Variants in BTBD7 observed in about 807,000 individuals in gnomAD.
BTBD7 encodes the protein BTB domain containing 7, also known as BTB/POZ domain-containing protein 7.
Under a neutral mutation model 99.9 loss-of-function variants are expected in BTBD7, and 38 were observed. The observed-to-expected ratio is 0.38, with a 90% confidence interval of 0.29 to 0.50. The LOEUF (loss-of-function observed/expected upper bound fraction) is 0.50, where lower values mean the gene tolerates loss of function less well. BTBD7 is among the 20% of genes least tolerant of loss of function. The probability of loss-of-function intolerance (pLI) is 0.93; values close to 1 mark genes in which losing one functional copy is unlikely to be tolerated. For synonymous variants in BTBD7, 520 were observed against 511.4 expected, an observed-to-expected ratio of 1.02 and a Z score of -0.23; for missense variants, 1,170 against 1,394.6, an observed-to-expected ratio of 0.84 and a Z score of 2.57.
intron 1 of BTBD7, among the ~76,000 whole-genome samples, chr14:93,330,906 T>C (rs886850556): frequency 6.6e-6 from 1 of 152,208 alleles, no homozygotes; most frequent in Non-Finnish European, 1.5e-5. Context: ...CAGAGTCTGA[T>C]AGAAAAACCT....
rs564362574 is a variant in BTBD7 at position 93,294,032 on chromosome 14, G to A, written c.988C>T (p.His330Tyr). The A allele has an allele frequency of 9.9e-6, 16 of 1,613,984 alleles. No homozygotes were observed. Among genetic ancestry groups the A allele is most frequent in the Non-Finnish European group, 1.4e-5 (16 of 1,179,900 alleles). The part of the protein sequence containing the change: ...IPKKYATVIL[H>Y]CMYTDVVDLS... ...TCCACCACGTCGGTATACATACAGT[G>A]TAATATCACTGTTGCATATTTTTTT... The change falls in exon 3 of 11, where the codon CAC becomes TAC. Residue 330 changes from histidine (H) to tyrosine (Y), a missense_variant. Transcript: ENST00000334746.
At chr14:93,257,872 T>G (rs1277918030) in intron 5 of BTBD7, among the ~76,000 whole-genome samples, 2 of 152,218 alleles carry the variant, frequency 1.3e-5, no homozygotes, top group Non-Finnish European at 2.9e-5. Flanking sequence ...AAGATTTTTA[T>G]GAAAATCTCC....
At chr14:93,274,821 A>C (rs2052637841) in intron 3 of BTBD7, among the ~76,000 whole-genome samples, 3 of 152,214 alleles carry the variant, frequency 2.0e-5, no homozygotes, top group African/African-American at 7.2e-5. Context: ...AAGTAATGTT[A>C]TTTTTAATTG....
At chr14:93,283,724 G>C (rs796195906) in intron 3 of BTBD7, among the ~76,000 whole-genome samples, 1 of 152,032 alleles carries the variant, frequency 6.6e-6, no homozygotes, top group Non-Finnish European at 1.5e-5. Context: ...GCTGATTTTT[G>C]TATTTTTAGT....
chr14:93,281,506 G>C (rs1423847965), intron 3 of BTBD7, among the ~76,000 whole-genome samples: 1 of 152,122 alleles, frequency 6.6e-6, no homozygotes, highest in Non-Finnish European at 1.5e-5. Context: ...AACACTTTTA[G>C]TATTATCTGT....
At chr14:93,315,849 A>C (rs2053196892) in intron 1 of BTBD7, among the ~76,000 whole-genome samples, 2 of 152,052 alleles carry the variant, frequency 1.3e-5, no homozygotes, top group South Asian at 4.2e-4. Context: ...GGTTGTTTCC[A>C]CTTTTTGGTT....
intron 3 of BTBD7, among the ~76,000 whole-genome samples, chr14:93,282,111 G>A (rs1595308086): frequency 1.3e-5 from 2 of 152,184 alleles, no homozygotes; most frequent in East Asian, 3.9e-4. Context: ...CAGGAAGCAT[G>A]ACAGCAGTTA....
At chr14:93,296,305 C>CT (rs770875334) in intron 1 of BTBD7, 148 bp from the exon 2 acceptor site, 59 of 534,350 alleles carry the variant, frequency 1.1e-4, no homozygotes, top group Admixed American at 4.6e-4. Flanking sequence ...AAATGTAAAT[C>CT]TTTAAGCTTG....
At chr14:93,329,884 C>T (rs1484675612) in intron 1 of BTBD7, among the ~76,000 whole-genome samples, 3 of 152,128 alleles carry the variant, frequency 2.0e-5, no homozygotes, top group African/African-American at 7.2e-5. Context: ...GTGGTGATGG[C>T]ATGGCTACAC....
At chr14:93,268,576 G>C (rs1276713485) in intron 3 of BTBD7, among the ~76,000 whole-genome samples, 1 of 152,050 alleles carries the variant, frequency 6.6e-6, no homozygotes, top group Non-Finnish European at 1.5e-5. Context: ...TCAAAGAAGG[G>C]TGTATTATTA....
intron 2 of BTBD7, 103 bp downstream of exon 2, chr14:93,295,867 A>C: frequency 9.6e-7 from 1 of 1,039,562 alleles, no homozygotes. Context: ...CAGAATTATT[A>C]TAATAACTAC....
At chr14:93,258,804 C>T (rs1385642735) in intron 5 of BTBD7, among the ~76,000 whole-genome samples, 1 of 152,148 alleles carries the variant, frequency 6.6e-6, no homozygotes, top group Non-Finnish European at 1.5e-5. Flanking sequence ...AGGCTGGTCT[C>T]AAACTCCTGA....
chr14:93,288,707 T>C, intron 3 of BTBD7: 1 of 1,607,638 alleles, frequency 6.2e-7, no homozygotes, highest in Non-Finnish European at 8.5e-7. Flanking sequence ...TGTAGTCTCC[T>C]CTGTAAAACA....
intron 3 of BTBD7, 33 bp downstream of exon 3, chr14:93,293,817 CATAATTCT>C: frequency 6.4e-7 from 1 of 1,556,424 alleles, no homozygotes. Context: ...AAGATCAATA[CATAATTCT>C]ATAAATCAGA....
Position 93,239,671 on chromosome 14 carries a change from A to G in BTBD7, c.*2602T>C, listed in dbSNP as rs1003562277. On this transcript the variant is annotated 3_prime_UTR_variant, in exon 11 of 11. Transcript: ENST00000334746. Reference sequence around the variant, plus strand: ...CCTTCTGCAAGTCGCATCGGTCCGCAATCCCACAGATTAAAGCAAGTTTTC... The same window carrying G: ...CCTTCTGCAAGTCGCATCGGTCCGCGATCCCACAGATTAAAGCAAGTTTTC... 1.3e-5 allele frequency: 2 copies of G among 152,558 alleles called. No individual in the cohort carries two copies. Among genetic ancestry groups the G allele is most frequent in the Non-Finnish European group, 2.9e-5 (2 of 68,046 alleles). The allele number at this position is 152,558 out of a possible 1,614,324, so 9.5% of individuals were successfully genotyped here. A position where few individuals can be genotyped will look rare whatever the true frequency, so the allele number is the denominator to read the frequency against.
intron 1 of BTBD7, among the ~76,000 whole-genome samples, chr14:93,323,801 T>G (rs2053296717): frequency 6.6e-6 from 1 of 152,220 alleles, no homozygotes; most frequent in Admixed American, 6.5e-5. Context: ...CACGTCATGT[T>G]TATTTAAAAA....
chr14:93,274,765 G>A (rs181084897), intron 3 of BTBD7, among the ~76,000 whole-genome samples: 17 of 152,286 alleles, frequency 1.1e-4, no homozygotes, highest in African/African-American at 4.1e-4. Context: ...CCCAGGCTAA[G>A]AAAGAGCAGA....
chr14:93,249,614 T>C (rs1421531364), intron 8 of BTBD7, among the ~76,000 whole-genome samples: 1 of 152,242 alleles, frequency 6.6e-6, no homozygotes. Context: ...TAAAGTTTTA[T>C]TGGAATGTAA....
intron 1 of BTBD7, among the ~76,000 whole-genome samples, chr14:93,322,589 G>C (rs1417923140): frequency 6.6e-6 from 1 of 152,086 alleles, no homozygotes; most frequent in East Asian, 1.9e-4. Flanking sequence ...AATTCAAAGA[G>C]CATTTACTTA....
Sources: allele counts gnomAD v4.1 joint callset (sites outside exome capture counted in the v4.1 genomes callset), GRCh38; gene constraint gnomAD v4.1.1; transcripts MANE v1.5; gene names NCBI Gene and HGNC (gene_info 2026-07-23, HGNC 2026-07-21).